The following PLPP1 variants were observed in gnomAD, a reference collection of about 807,000 sequenced individuals.
PLPP1 encodes lipid phosphate phosphohydrolase 1a.
Under a neutral mutation model 31.2 loss-of-function variants are expected in PLPP1, and 24 were observed. The observed-to-expected ratio is 0.77, with a 90% CI of 0.56 to 1.08. The LOEUF (loss-of-function observed/expected upper bound fraction) is 1.08. Ranked by LOEUF, PLPP1 falls within the 50% of genes least tolerant of loss-of-function variation. PLPP1 has a pLI of 0.00. For synonymous variants in PLPP1, 146 were observed against 126.3 expected, an observed-to-expected ratio of 1.16 and a Z score of -1.05; for missense variants, 319 against 342.7, an observed-to-expected ratio of 0.93 and a Z score of 0.55.
rs1165736049 is a variant in PLPP1, at chr5:55,511,661, T to G, written c.58+22911A>C. ...TTAACACGTGTTGAGTTTTTTTTTT[T>G]TTTTTTTTTTTTTTTTTTTTGAGAT... On this transcript the variant is annotated intron_variant, in intron 1 of 5. Coordinates refer to ENST00000307259, the MANE Select transcript of PLPP1 (RefSeq NM_003711.4). Among the ~76,000 whole-genome samples, 116 of 98,172 alleles carry G rather than the reference T, an allele frequency of 1.2e-3. 1 individual carries two copies. The highest frequency in any genetic ancestry group is 2.1e-3 in the Non-Finnish European group (95 of 45,674). The allele number at this position is 98,172 out of a possible 152,430, so 64.4% of individuals were successfully genotyped here.
At chr5:55,513,790 G>A (rs1395539427) in intron 1 of PLPP1, among the ~76,000 whole-genome samples, 2 of 152,120 alleles carry the variant, frequency 1.3e-5, no homozygotes, top group African/African-American at 4.8e-5. Flanking sequence ...GCCAAGCATG[G>A]CAGTGCACAT....
intron 3 of PLPP1, among the ~76,000 whole-genome samples, chr5:55,457,888 CAA>C (rs33982765): frequency 4.2e-5 from 6 of 143,248 alleles, no homozygotes; most frequent in Non-Finnish European, 6.1e-5. Flanking sequence ...GACTCTGTCT[CAA>C]AAAAAAAAAA....
intron 3 of PLPP1, among the ~76,000 whole-genome samples, chr5:55,444,269 C>T (rs956713050): frequency 2.6e-5 from 4 of 152,094 alleles, no homozygotes; most frequent in Non-Finnish European, 4.4e-5. Context: ...TTAGTAGAGA[C>T]GAGGTTTCGC....
chr5:55,436,278 TC>T (rs1323744257), intron 4 of PLPP1, among the ~76,000 whole-genome samples: 1 of 152,088 alleles, frequency 6.6e-6, no homozygotes, highest in Non-Finnish European at 1.5e-5. Context: ...CATCTTGAAT[TC>T]CCACATGTTG....
In PLPP1 at chr5:55,426,043, A is replaced by C; in HGVS notation, c.550-4T>G. On this transcript the variant is annotated splice_polypyrimidine_tract_variant and splice_region_variant and intron_variant, in intron 4 of 5. Coordinates refer to ENST00000307259, the MANE Select transcript of PLPP1 (RefSeq NM_003711.4). ...TCATCCTGGCTTGAAGATAAAGCTA[A>C]AAGAAAAGAATAAAGAAAAAAATAG... The C allele has an allele frequency of 6.3e-7, 1 of 1,575,346 alleles. No homozygotes were observed. Among genetic ancestry groups the C allele is most frequent in the Non-Finnish European group, 8.6e-7 (1 of 1,167,632 alleles).
chr5:55,428,513 G>A (rs1347346815), intron 4 of PLPP1, among the ~76,000 whole-genome samples: 2 of 152,178 alleles, frequency 1.3e-5, no homozygotes, highest in African/African-American at 2.4e-5. Flanking sequence ...TCCTATATGC[G>A]TAAGTTCAAC....
In PLPP1 at chr5:55,424,964, T is replaced by C. The variant is rs1053081452; in HGVS notation, c.*242A>G. On this transcript the variant is annotated 3_prime_UTR_variant, in exon 6 of 6. Coordinates refer to ENST00000307259, the MANE Select transcript of PLPP1 (RefSeq NM_003711.4). ...AAGCATTACATTTTTTTAATAAAAA[T>C]GTATACAGGTGGGGCACTGTTTTGG... The C allele has an allele frequency of 1.2e-5, 8 of 641,906 alleles. No homozygotes were observed. In the Admixed American group the frequency reaches 1.5e-4, roughly 12 times the overall value. 39.8% of individuals were successfully genotyped at this position (641,906 alleles called of 1,614,324 possible).
chr5:55,494,508 C>T (rs1015776305), intron 1 of PLPP1, among the ~76,000 whole-genome samples: 15 of 152,146 alleles, frequency 9.9e-5, no homozygotes, highest in African/African-American at 3.4e-4. Flanking sequence ...CTGGCACCTC[C>T]CTAAATGCTC....
intron 3 of PLPP1, among the ~76,000 whole-genome samples, chr5:55,442,142 T>C (rs750115427): frequency 1.8e-4 from 27 of 152,174 alleles, no homozygotes; most frequent in Non-Finnish European, 3.5e-4. Context: ...GGATGGGTAA[T>C]GTGTCATGAA....
At position 55,528,424 on chromosome 5, in the gene PLPP1, A is replaced by C. The variant is rs577534174; in HGVS notation, c.58+6148T>G. Among the ~76,000 whole-genome samples, 22 of 152,354 alleles carry C rather than the reference A, an allele frequency of 1.4e-4. No individual in the cohort carries two copies. The South Asian group carries it at 2.5e-3, about 17-fold the overall frequency. On this transcript the variant is annotated intron_variant, in intron 1 of 5. Coordinates refer to ENST00000307259, the MANE Select transcript of PLPP1 (RefSeq NM_003711.4). ...ACCACTTGTTTATTTCTTCATCATT[A>C]GACTCTGAGCCCTTCAGGGCAGGGA... is the stretch of plus-strand genomic sequence containing the variant.
intron 3 of PLPP1, among the ~76,000 whole-genome samples, chr5:55,459,709 A>G (rs1752109456): frequency 6.6e-6 from 1 of 152,246 alleles, no homozygotes; most frequent in Non-Finnish European, 1.5e-5. Context: ...ATTAGAAAGT[A>G]TTGTTAGCCC....
At position 55,491,145 on chromosome 5, in the gene PLPP1, G is replaced by A. The variant is rs181029218; in HGVS notation, c.59-15695C>T. 1.9e-6 allele frequency: 3 copies of A among 1,599,042 alleles called. No individual in the cohort carries two copies. The East Asian group carries it at 6.7e-5, about 36-fold the overall frequency. ...GGGGAAGGGAAAAAAAGACACACAT[G>A]ATTAAATTCAATTCACTTCATTAGG... On this transcript the variant is annotated intron_variant, in intron 1 of 5. Coordinates refer to ENST00000307259, the MANE Select transcript of PLPP1 (RefSeq NM_003711.4).
intron 1 of PLPP1, among the ~76,000 whole-genome samples, chr5:55,495,150 A>T (rs943652201): frequency 7.2e-5 from 7 of 96,798 alleles, no homozygotes; most frequent in African/African-American, 2.2e-4. Flanking sequence ...AAAAAAAAAA[A>T]TGTATTAAAT....
chr5:55,424,920 T>TA lies in PLPP1; in HGVS notation c.*285dup. 4.6e-6 allele frequency: 3 copies of TA among 649,402 alleles called. No homozygotes were observed. The highest frequency in any genetic ancestry group is 7.9e-6 in the Non-Finnish European group (3 of 378,710). The allele number at this position is 649,402 out of a possible 1,614,324, so 40.2% of individuals were successfully genotyped here. A position where few individuals can be genotyped will look rare whatever the true frequency, so the allele number is the denominator to read the frequency against. On this transcript the variant is annotated 3_prime_UTR_variant, in exon 6 of 6. Coordinates refer to ENST00000307259, the MANE Select transcript of PLPP1 (RefSeq NM_003711.4). ...CAAACATCATTCATAGAAAGCATAT[T>TA]ACATACATGTTTATACATAAGCATT...
Position 55,534,773 on chromosome 5 carries a change from G to A in PLPP1, c.-144C>T, listed in dbSNP as rs1740826539. 5 of 862,144 alleles carry A rather than the reference G, an allele frequency of 5.8e-6. No individual in the cohort carries two copies. The highest frequency in any genetic ancestry group is 1.9e-5 in the South Asian group (1 of 51,534). The allele number at this position is 862,144 out of a possible 1,614,324, so 53.4% of individuals were successfully genotyped here. A position where few individuals can be genotyped will look rare whatever the true frequency, so the allele number is the denominator to read the frequency against. The stretch of plus-strand genomic sequence containing the variant: ...AGCCGGAGGAGGAGAGCAGCCGAGG[G>A]CGGGCTGAGACCGGGCGGCGCTCCC... On this transcript the variant is annotated 5_prime_UTR_variant, in exon 1 of 6. Transcript: ENST00000307259.
chr5:55,516,758 A>G (rs956814844), intron 1 of PLPP1, among the ~76,000 whole-genome samples: 79 of 152,242 alleles, frequency 5.2e-4, no homozygotes, highest in African/African-American at 1.9e-3. Flanking sequence ...AAATATCTAC[A>G]TATTAGTAAA....
intron 2 of PLPP1, among the ~76,000 whole-genome samples, chr5:55,471,562 G>A (rs1344048305): frequency 6.6e-6 from 1 of 152,036 alleles, no homozygotes; most frequent in Non-Finnish European, 1.5e-5. Context: ...TGACTTCACT[G>A]ACCATTTCCT....
At chr5:55,439,639 AG>A (rs1371493544) in intron 4 of PLPP1, among the ~76,000 whole-genome samples, 1 of 152,234 alleles carries the variant, frequency 6.6e-6, no homozygotes, top group Non-Finnish European at 1.5e-5. Context: ...TCCACTGAGC[AG>A]GCCTGCCACT....
chr5:55,432,080 AT>A (rs1751368414), intron 4 of PLPP1, among the ~76,000 whole-genome samples: 2 of 142,614 alleles, frequency 1.4e-5, no homozygotes, highest in Non-Finnish European at 1.5e-5. Context: ...GCCAGCATGA[AT>A]AATTTTTCTT....
Sources: allele counts gnomAD v4.1 joint callset (sites outside exome capture counted in the v4.1 genomes callset), GRCh38; gene constraint gnomAD v4.1.1; transcripts MANE v1.5; gene names NCBI Gene and HGNC (gene_info 2026-07-23, HGNC 2026-07-21).